Variants in SLC28A1 observed in about 807,000 individuals in gnomAD.
SLC28A1 encodes sodium/nucleoside cotransporter 1.
Under a neutral mutation model 74.8 loss-of-function variants are expected in SLC28A1, and 64 were observed. That is an observed-to-expected ratio of 0.86 (90% CI 0.70 to 1.05). The LOEUF is 1.05. Ranked by LOEUF, SLC28A1 falls within the 50% of genes least tolerant of loss-of-function variation. SLC28A1 has a pLI of 0.00. For missense variants in SLC28A1, 828 were observed against 822.8 expected (o/e 1.01, Z -0.08); for synonymous variants, 359 against 335.0 (o/e 1.07, Z -0.78).
the SLC28A1 span, among the ~76,000 whole-genome samples, chr15:84,973,952 C>T: frequency 5.9e-5 from 9 of 152,130 alleles, no homozygotes; most frequent in South Asian, 4.2e-4. Flanking sequence ...GGCTTGGGGA[C>T]GCTCACACAG....
chr15:84,954,310 T>A, the SLC28A1 span, among the ~76,000 whole-genome samples: 1 of 152,172 alleles, frequency 6.6e-6, no homozygotes, highest in Non-Finnish European at 1.5e-5. Context: ...GGAGGAGCAG[T>A]TTCCCACGAG....
At chr15:84,958,282 G>A in the SLC28A1 span, among the ~76,000 whole-genome samples, 1 of 152,022 alleles carries the variant, frequency 6.6e-6, no homozygotes, top group African/African-American at 2.4e-5. Flanking sequence ...ATTCCACCTG[G>A]TTCTCTTCAG....
Position 84,904,236 on chromosome 15 carries a change from G to A in SLC28A1, c.601G>A (p.Ala201Thr), listed in dbSNP as rs777812483. The stretch of plus-strand genomic sequence containing the variant: ...CTTTGCCTGCTCAAAGCATCATTGC[G>A]CAGTGAGTGCTAGTTGTGGGGCCCA... ...LLFACSKHHCAVSWRAVSWGL... is the reference protein window; with the variant it reads ...LLFACSKHHCTVSWRAVSWGL... The change falls in exon 7 of 19, where the codon GCA becomes ACA. Residue 201 changes from alanine to threonine, a missense_variant and splice_region_variant. Physicochemically the swap from Ala to Thr is moderately conservative, Grantham distance 58. Transcript: ENST00000394573. 3.7e-5 allele frequency: 59 copies of A among 1,613,682 alleles called. 1 individual carries two copies. The South Asian group carries it at 4.2e-4, about 11-fold the overall frequency.
chr15:84,943,715 G>C (rs1288622196), intron 16 of SLC28A1, among the ~76,000 whole-genome samples, 189 bp downstream of exon 16: 1 of 152,120 alleles, frequency 6.6e-6, no homozygotes, highest in African/African-American at 2.4e-5. Context: ...GATCATTTGA[G>C]GCCAGGAGTT....
downstream of SLC28A1, among the ~76,000 whole-genome samples, chr15:84,946,463 T>C (rs928518332): frequency 6.6e-6 from 1 of 152,036 alleles, no homozygotes; most frequent in Non-Finnish European, 1.5e-5. Flanking sequence ...GTGTTATTAT[T>C]GTCACTAGTT....
At chr15:84,918,486 G>T in intron 9 of SLC28A1, 38 bp from the exon 10 acceptor site, 1 of 1,557,566 alleles carries the variant, frequency 6.4e-7, no homozygotes, top group Non-Finnish European at 8.9e-7. Flanking sequence ...CATCCTGCCT[G>T]CCTCTAACCT....
chr15:84,965,907 G>GC, the SLC28A1 span, among the ~76,000 whole-genome samples: 1 of 149,850 alleles, frequency 6.7e-6, no homozygotes, highest in African/African-American at 2.5e-5. Flanking sequence ...GCGGGGAGGG[G>GC]GGGGAAATAT....
At chr15:84,910,304 C>A (rs914175650) in intron 9 of SLC28A1, among the ~76,000 whole-genome samples, 1 of 152,250 alleles carries the variant, frequency 6.6e-6, no homozygotes, top group Non-Finnish European at 1.5e-5. Flanking sequence ...TAACGAGCAG[C>A]TGCTCCCTTA....
intron 4 of SLC28A1, 30 bp from the exon 5 acceptor site, chr15:84,890,413 A>G (rs189868450): frequency 6.5e-7 from 1 of 1,547,838 alleles, no homozygotes; most frequent in Non-Finnish European, 8.8e-7. Flanking sequence ...CTGCTCATGC[A>G]CTCATGGACC....
At chr15:84,905,459 C>A (rs1966936058) in intron 7 of SLC28A1, 80 bp from the exon 8 acceptor site, 1 of 962,334 alleles carries the variant, frequency 1.0e-6, no homozygotes, top group Non-Finnish European at 1.7e-6. Flanking sequence ...CAGGGCAATG[C>A]CCCCTGCTCT....
chr15:84,953,164 A>T, the SLC28A1 span, among the ~76,000 whole-genome samples: 2 of 152,212 alleles, frequency 1.3e-5, no homozygotes, highest in South Asian at 4.1e-4. Flanking sequence ...GCATGTCATT[A>T]TTTCAGTGTC....
intron 4 of SLC28A1, 87 bp downstream of exon 4, chr15:84,888,947 G>A: frequency 2.2e-6 from 2 of 906,570 alleles, no homozygotes; most frequent in Non-Finnish European, 3.6e-6. Context: ...TGGCGGATGG[G>A]AGTTGGGGGG....
At chr15:84,936,017 C>T (rs1359825488) in intron 15 of SLC28A1, among the ~76,000 whole-genome samples, 1 of 130,124 alleles carries the variant, frequency 7.7e-6, no homozygotes, top group Non-Finnish European at 1.6e-5. Context: ...TGCAGTGGCT[C>T]GATCTCGGCT....
intron 4 of SLC28A1, among the ~76,000 whole-genome samples, chr15:84,890,127 GC>G (rs34106481): frequency 0.68 from 103,295 of 152,030 alleles, 38,076 homozygotes; most frequent in South Asian, 0.84. Flanking sequence ...GAGCCACCGC[GC>G]CCCCCCACCG....
rs754149235 is a variant in SLC28A1, at chr15:84,918,611, T to A, written c.876+7T>A. ...GCAGTGGGTGATCCTGAAGGTAAGT[T>A]CCCAGTGCCCATGGCCAGGGCTCTC... is the stretch of plus-strand genomic sequence containing the variant. On this transcript the variant is annotated splice_region_variant and intron_variant, in intron 10 of 18. Coordinates refer to ENST00000394573, the MANE Select transcript of SLC28A1 (RefSeq NM_004213.5). 1.2e-5 allele frequency: 20 copies of A among 1,604,376 alleles called. No individual in the cohort carries two copies. In the East Asian group the frequency reaches 4.5e-4, roughly 36 times the overall value.
intron 17 of SLC28A1, 32 bp from the exon 18 acceptor site, chr15:84,944,724 G>A (rs749492240): frequency 2.8e-6 from 4 of 1,453,380 alleles, no homozygotes; most frequent in South Asian, 1.2e-5. Context: ...TAGCCCGGGG[G>A]CCCTGCCCCA....
At chr15:84,974,766 A>T in the SLC28A1 span, among the ~76,000 whole-genome samples, 1 of 152,154 alleles carries the variant, frequency 6.6e-6, no homozygotes, top group Non-Finnish European at 1.5e-5. Context: ...GATGCAGGAG[A>T]CAGTGTGGAA....
At chr15:84,896,355 C>T (rs1485682557) in intron 6 of SLC28A1, among the ~76,000 whole-genome samples, 1 of 152,168 alleles carries the variant, frequency 6.6e-6, no homozygotes, top group Admixed American at 6.5e-5. Context: ...CATCAGTAGC[C>T]ATCATGGAAA....
At chr15:84,886,182 T>A in intron 1 of SLC28A1, 9 of 985,388 alleles carry the variant, frequency 9.1e-6, no homozygotes, top group Non-Finnish European at 9.6e-6. Flanking sequence ...TGATTTGGTT[T>A]TGTTTTCTTG....
Sources: allele counts gnomAD v4.1 joint callset (sites outside exome capture counted in the v4.1 genomes callset), GRCh38; gene constraint gnomAD v4.1.1; transcripts MANE v1.5; gene names NCBI Gene and HGNC (gene_info 2026-07-23, HGNC 2026-07-21).